The following FAM118B variants were observed in gnomAD, a reference collection of about 807,000 sequenced individuals.
FAM118B encodes the protein SIR2 antiphage like 1, also known as protein FAM118B.
FAM118B carries 24 observed loss-of-function variants against 38.5 expected under a neutral mutation model. The ratio of observed to expected loss-of-function variants is 0.62; its 90% confidence interval spans 0.45 to 0.88. The LOEUF (loss-of-function observed/expected upper bound fraction) is 0.88. Among genes scored for constraint, FAM118B ranks in the 40% least tolerant of loss-of-function variants. The pLI is 0.00. For synonymous variants in FAM118B, 138 were observed against 156.3 expected (o/e 0.88, Z 0.87); for missense variants, 334 against 420.0 (o/e 0.80, Z 1.79).
At chr11:126,243,072 G>C (rs1950378777) in intron 4 of FAM118B, among the ~76,000 whole-genome samples, 1 of 152,168 alleles carries the variant, frequency 6.6e-6, no homozygotes, top group Non-Finnish European at 1.5e-5. Flanking sequence ...GATGAACCTT[G>C]AAAACATTAA....
rs1425999318 is a variant in FAM118B at position 126,252,591 on chromosome 11, A to C, written c.568-1714A>C. Among the ~76,000 whole-genome samples, 1 of 152,056 alleles carries C rather than the reference A, an allele frequency of 6.6e-6. No individual in the cohort carries two copies. The highest frequency in any genetic ancestry group is 2.4e-5 in the African/African-American group (1 of 41,402). ...GACCCCATCTCTACAAAAAGTTTAA[A>C]AATTAGCCGGGCATGGTGGTGTTTG... On this transcript the variant is annotated intron_variant, in intron 5 of 8. Transcript: ENST00000533050. This position sits in a 1 kb window ranked among gnomAD's most constrained non-coding sequence, Gnocchi z 4.7.
Position 126,224,722 on chromosome 11 carries a change from AC to A in FAM118B, c.-76-4499del, listed in dbSNP as rs1190857052. ...GAAGGAATGATCTATGCAAAGGAAA[AC>A]CCCAAGGTCGGGGTGTACCAGGCCT... On this transcript the variant is annotated intron_variant, in intron 1 of 8. Coordinates refer to ENST00000533050, the MANE Select transcript of FAM118B (RefSeq NM_024556.4). 2.0e-5 allele frequency among the ~76,000 whole-genome samples: 3 copies of A among 152,072 alleles called. No homozygotes were observed. The East Asian group carries it at 5.8e-4, about 29-fold the overall frequency.
intron 7 of FAM118B, among the ~76,000 whole-genome samples, chr11:126,257,769 A>G (rs942820735): frequency 2.0e-5 from 3 of 152,188 alleles, no homozygotes; most frequent in Non-Finnish European, 4.4e-5. Flanking sequence ...ACTTTTAGAA[A>G]TGCTATTTGG....
At chr11:126,227,058 C>CTTTTTTTTTTTTTT (rs575065140) in intron 1 of FAM118B, among the ~76,000 whole-genome samples, 1 of 97,172 alleles carries the variant, frequency 1.0e-5, no homozygotes, top group Non-Finnish European at 2.0e-5. Flanking sequence ...ATACAAGCTT[C>CTTTTTTTTTTTTTT]TTTTTTTTTT....
In FAM118B at chr11:126,223,811, A is replaced by G. The variant is rs1483070326; in HGVS notation, c.-76-5414A>G. On this transcript the variant is annotated intron_variant, in intron 1 of 8. Coordinates refer to ENST00000533050, the MANE Select transcript of FAM118B (RefSeq NM_024556.4). The stretch of plus-strand genomic sequence containing the variant: ...TGAGTTATAAAGTGATTTATATATA[A>G]AATGTTTTGGTGCCAGACAATGGTC... Among the ~76,000 whole-genome samples the G allele has an allele frequency of 2.6e-5, 4 of 152,156 alleles. No individual in the cohort carries two copies. In the East Asian group the frequency reaches 7.7e-4, roughly 29 times the overall value.
chr11:126,253,126 A>G lies in FAM118B; in HGVS notation c.568-1179A>G, dbSNP rs921173661. Among the ~76,000 whole-genome samples the G allele has an allele frequency of 1.3e-5, 2 of 152,238 alleles. No homozygotes were observed. Among genetic ancestry groups the G allele is most frequent in the African/African-American group, 4.8e-5 (2 of 41,456 alleles). ...CCAAAGATTATGACCAAGTGTGTTCATGGATATCAGAAGCATAAGGACCTT... is the reference window on the plus strand; with the variant it reads ...CCAAAGATTATGACCAAGTGTGTTCGTGGATATCAGAAGCATAAGGACCTT... On this transcript the variant is annotated intron_variant, in intron 5 of 8. Coordinates refer to ENST00000533050, the MANE Select transcript of FAM118B (RefSeq NM_024556.4). The surrounding 1 kb of genome is among the most constrained non-coding windows in gnomAD (Gnocchi z 5.1).
At chr11:126,214,490 GTTTTTTTTTTTT>G (rs1949944177) in intron 1 of FAM118B, 1 of 25,814 alleles carries the variant, frequency 3.9e-5, no homozygotes, top group Non-Finnish European at 7.4e-5. Flanking sequence ...TTTTGTTTCT[GTTTTTTTTTTTT>G]GTTTTTTTTT....
rs187381517 is a variant in FAM118B, at chr11:126,236,766, T to C, written c.86+1679T>C. Among the ~76,000 whole-genome samples, 165 of 151,946 alleles carry C rather than the reference T, an allele frequency of 1.1e-3. 1 individual carries two copies. In the East Asian group the frequency reaches 0.024, roughly 22 times the overall value. ...TTTTTTATGTGTTGCTTTATTTTTT[T>C]CCCCCCCATTTCGTTTTCTTAAATT... On this transcript the variant is annotated intron_variant, in intron 3 of 8. Transcript: ENST00000533050.
intron 4 of FAM118B, among the ~76,000 whole-genome samples, chr11:126,242,024 C>CAAAAAAAA (rs60865966): frequency 1.1e-5 from 1 of 88,418 alleles, no homozygotes. Flanking sequence ...GACTCCGTCT[C>CAAAAAAAA]AAAAAAAAAA....
intron 2 of FAM118B, 23 bp from the exon 3 acceptor site, chr11:126,234,972 T>A: frequency 2.6e-6 from 4 of 1,556,820 alleles, no homozygotes; most frequent in Non-Finnish European, 2.7e-6. Flanking sequence ...TAATTGTGGT[T>A]CATGGTGTTT....
intron 5 of FAM118B, among the ~76,000 whole-genome samples, chr11:126,251,210 A>G (rs887605288): frequency 1.3e-5 from 2 of 152,238 alleles, no homozygotes; most frequent in Non-Finnish European, 2.9e-5. Flanking sequence ...AGCATAGTCT[A>G]TACTGTACCT....
intron 1 of FAM118B, among the ~76,000 whole-genome samples, chr11:126,222,184 T>C (rs953892870): frequency 1.3e-5 from 2 of 152,236 alleles, no homozygotes; most frequent in Admixed American, 6.5e-5. Flanking sequence ...CCATTTATGA[T>C]ATGAGATGAT....
intron 7 of FAM118B, among the ~76,000 whole-genome samples, chr11:126,258,372 G>A (rs1950614408): frequency 6.6e-6 from 1 of 152,172 alleles, no homozygotes; most frequent in Non-Finnish European, 1.5e-5. Context: ...GAGCAATAAA[G>A]CAAGACGCTG....
At chr11:126,246,759 T>C (rs1171920079) in intron 4 of FAM118B, among the ~76,000 whole-genome samples, 1 of 152,148 alleles carries the variant, frequency 6.6e-6, no homozygotes, top group Non-Finnish European at 1.5e-5. Flanking sequence ...TTGTTTTTAC[T>C]AAGTTTCAGG....
chr11:126,228,015 G>A (rs796994685), intron 1 of FAM118B, among the ~76,000 whole-genome samples: 28 of 151,894 alleles, frequency 1.8e-4, no homozygotes, highest in African/African-American at 6.8e-4. Flanking sequence ...GCTCAGGGTG[G>A]TCTTGAACTC....
intron 1 of FAM118B, among the ~76,000 whole-genome samples, chr11:126,228,203 TG>T: frequency 6.6e-6 from 1 of 151,924 alleles, no homozygotes. Context: ...TTTTTTTTTT[TG>T]GTTTTGTTTT....
intron 3 of FAM118B, among the ~76,000 whole-genome samples, chr11:126,236,972 A>C (rs1408356773): frequency 7.4e-5 from 10 of 135,276 alleles, no homozygotes; most frequent in African/African-American, 2.6e-4. Context: ...GCTGGAGTGC[A>C]GTGACACTAT....
intron 1 of FAM118B, among the ~76,000 whole-genome samples, chr11:126,223,113 G>A (rs1385023883): frequency 6.6e-6 from 1 of 151,620 alleles, no homozygotes; most frequent in African/African-American, 2.4e-5. Flanking sequence ...AGGGGGGGGT[G>A]TTCAAGCAAC....
rs913352254 is a variant in FAM118B, at chr11:126,235,765, C to T, written c.86+678C>T. ...CGAACCCCTGACCTCGTGATCCACC[C>T]GCCTCGGCCTCCCAAAGTGCTGGGA... On this transcript the variant is annotated intron_variant, in intron 3 of 8. Coordinates refer to ENST00000533050, the MANE Select transcript of FAM118B (RefSeq NM_024556.4). Among the ~76,000 whole-genome samples the T allele has an allele frequency of 3.3e-5, 5 of 151,660 alleles. 1 individual carries two copies. The highest frequency in any genetic ancestry group is 7.4e-5 in the Non-Finnish European group (5 of 68,024).
Sources: gnomAD v4.1 joint callset for allele counts (sites outside exome capture counted in the v4.1 genomes callset) on GRCh38, gnomAD v4.1.1 for gene constraint, Gnocchi (gnomAD v3.1) non-coding constraint, MANE v1.5 for transcripts, NCBI Gene and HGNC (gene_info 2026-07-23, HGNC 2026-07-21) for gene names.